The following SGMS1 variants were observed in gnomAD, a reference collection of about 807,000 sequenced individuals.
The protein encoded by SGMS1 is sphingomyelin synthase 1.
In SGMS1, 13 loss-of-function variants were observed where a neutral mutation model predicts 46.2. That is an observed-to-expected ratio of 0.28 (90% CI 0.18 to 0.45). SGMS1 has a LOEUF of 0.45. SGMS1 is among the 20% of genes least tolerant of loss of function. SGMS1 has a pLI of 1.00. For missense variants in SGMS1, 324 were observed against 519.9 expected, an observed-to-expected ratio of 0.62 and a Z score of 3.66; for synonymous variants, 203 against 187.8, an observed-to-expected ratio of 1.08 and a Z score of -0.66.
chr10:50,541,385 T>C (rs1436489443), intron 2 of SGMS1, among the ~76,000 whole-genome samples: 1 of 152,228 alleles, frequency 6.6e-6, no homozygotes, highest in Non-Finnish European at 1.5e-5. Flanking sequence ...AGGAGTACTG[T>C]ACATTACTGC....
chr10:50,504,850 C>T (rs1434984081), intron 3 of SGMS1, among the ~76,000 whole-genome samples: 2 of 152,190 alleles, frequency 1.3e-5, no homozygotes, highest in African/African-American at 4.8e-5. Flanking sequence ...GACTGCTGCT[C>T]TCAAATTTCC....
intron 2 of SGMS1, among the ~76,000 whole-genome samples, chr10:50,560,497 CATAA>C (rs1838227167): frequency 7.1e-6 from 1 of 141,210 alleles, no homozygotes; most frequent in Non-Finnish European, 1.5e-5. Context: ...TTACATAATA[CATAA>C]ATACATATTA....
intron 5 of SGMS1, among the ~76,000 whole-genome samples, chr10:50,449,021 C>T (rs1837065822): frequency 6.6e-6 from 1 of 152,050 alleles, no homozygotes; most frequent in South Asian, 2.1e-4. Flanking sequence ...CACTACATAC[C>T]TATTGAAATT....
chr10:50,312,026 G>A (rs1847262155), intron 8 of SGMS1, among the ~76,000 whole-genome samples: 1 of 152,088 alleles, frequency 6.6e-6, no homozygotes, highest in African/African-American at 2.4e-5. Context: ...ACAAGTCTGG[G>A]CTGGACACCG....
At chr10:50,429,844 A>G (rs1483249655) in intron 6 of SGMS1, among the ~76,000 whole-genome samples, 1 of 152,136 alleles carries the variant, frequency 6.6e-6, no homozygotes, top group Non-Finnish European at 1.5e-5. Context: ...ATTTGGAACT[A>G]TTTTATTTCT....
At chr10:50,625,058 G>A (rs1184932775), upstream of SGMS1, 4 of 997,858 alleles carry the variant, frequency 4.0e-6, no homozygotes, top group Non-Finnish European at 4.8e-6. Flanking sequence ...GCCGGACTCT[G>A]GCCACCGCTC....
At chr10:50,471,757 T>G (rs1438271465) in intron 3 of SGMS1, among the ~76,000 whole-genome samples, 1 of 152,216 alleles carries the variant, frequency 6.6e-6, no homozygotes, top group African/African-American at 2.4e-5. Flanking sequence ...ATCACAGGAC[T>G]TGTTATCAAG....
chr10:50,350,880 C>G (rs1281421302), intron 6 of SGMS1, among the ~76,000 whole-genome samples: 1 of 152,116 alleles, frequency 6.6e-6, no homozygotes, highest in Non-Finnish European at 1.5e-5. Context: ...GGGGTCAGAG[C>G]CCCCACATAG....
chr10:50,351,909 T>C (rs1432106842), intron 6 of SGMS1, among the ~76,000 whole-genome samples: 1 of 152,216 alleles, frequency 6.6e-6, no homozygotes, highest in African/African-American at 2.4e-5. Flanking sequence ...CTTGGTCTTC[T>C]TGTAACAACC....
At chr10:50,545,051 C>A (rs554285987) in intron 2 of SGMS1, among the ~76,000 whole-genome samples, 1 of 152,012 alleles carries the variant, frequency 6.6e-6, no homozygotes, top group African/African-American at 2.4e-5. Flanking sequence ...AGCACGTGTA[C>A]AATAAAAGCA....
At chr10:50,386,076 T>C (rs1200277122) in intron 6 of SGMS1, among the ~76,000 whole-genome samples, 1 of 152,166 alleles carries the variant, frequency 6.6e-6, no homozygotes, top group Non-Finnish European at 1.5e-5. Flanking sequence ...GCCTAACACA[T>C]GGTAGTTATG....
intron 8 of SGMS1, 144 bp downstream of exon 8, chr10:50,327,061 G>C: frequency 1.9e-6 from 1 of 536,464 alleles, no homozygotes; most frequent in South Asian, 2.7e-5. Context: ...GGGGCTGCCT[G>C]GCCATATCAT....
At chr10:50,574,172 G>GTAT (rs34192399) in intron 2 of SGMS1, among the ~76,000 whole-genome samples, 83,873 of 151,566 alleles carry the variant, frequency 0.55, 23,452 homozygotes, top group East Asian at 0.75. Flanking sequence ...AATAGATATG[G>GTAT]TATACAGCAA....
intron 2 of SGMS1, among the ~76,000 whole-genome samples, chr10:50,539,959 G>A (rs1373909071): frequency 2.6e-5 from 4 of 152,022 alleles, no homozygotes; most frequent in Non-Finnish European, 5.9e-5. Context: ...ATAAGAGAGT[G>A]GCTAAACAGA....
At chr10:50,415,102 C>A (rs1849151612) in intron 6 of SGMS1, among the ~76,000 whole-genome samples, 2 of 152,348 alleles carry the variant, frequency 1.3e-5, no homozygotes, top group Middle Eastern at 6.8e-3. Flanking sequence ...GCCTGGGTGA[C>A]AGAGCGAGAC....
intron 6 of SGMS1, among the ~76,000 whole-genome samples, chr10:50,415,982 G>C (rs909425939): frequency 6.6e-6 from 1 of 152,140 alleles, no homozygotes; most frequent in Non-Finnish European, 1.5e-5. Flanking sequence ...GCAGAAGAAA[G>C]TTACCGGAGT....
rs376338424 is a variant in SGMS1, at chr10:50,410,261, G to C, written c.-232+23215C>G. On this transcript the variant is annotated intron_variant, in intron 6 of 10. Transcript: ENST00000361781. ...ATGATGGTCATGACACTCTTGTGTT[G>C]CAAGTCAGATAGGAAAGGGCATTCA... Among the ~76,000 whole-genome samples the C allele has an allele frequency of 3.3e-5, 5 of 152,256 alleles. No individual in the cohort carries two copies. In the East Asian group the frequency reaches 9.7e-4, roughly 29 times the overall value.
chr10:50,578,569 A>C (rs1374548024), intron 2 of SGMS1, among the ~76,000 whole-genome samples: 1 of 152,188 alleles, frequency 6.6e-6, no homozygotes, highest in East Asian at 1.9e-4. Context: ...GTTAACAAGA[A>C]AGCCAAGATC....
At chr10:50,520,306 C>T (rs1837846209) in intron 2 of SGMS1, among the ~76,000 whole-genome samples, 1 of 152,092 alleles carries the variant, frequency 6.6e-6, no homozygotes, top group Admixed American at 6.6e-5. Context: ...AAAAGGATCA[C>T]TTAAGAATGG....
Sources: allele counts gnomAD v4.1 joint callset (sites outside exome capture counted in the v4.1 genomes callset), GRCh38; gene constraint gnomAD v4.1.1; transcripts MANE v1.5; gene names NCBI Gene and HGNC (gene_info 2026-07-23, HGNC 2026-07-21).